Variants in SOX5 observed in about 807,000 individuals in gnomAD.
The protein encoded by SOX5 is SRY-box transcription factor 5, also known as transcription factor SOX-5.
In SOX5, 9 loss-of-function variants were observed where a neutral mutation model predicts 92.0. The ratio of observed to expected loss-of-function variants is 0.10; its 90% confidence interval spans 0.06 to 0.17. SOX5 has a LOEUF of 0.17. Ranked by LOEUF, SOX5 falls within the 10% of genes least tolerant of loss-of-function variation. The pLI, the probability that SOX5 is intolerant of heterozygous loss-of-function variation, is 1.00. For missense variants in SOX5, 642 were observed against 944.5 expected, an observed-to-expected ratio of 0.68 and a Z score of 4.20; for synonymous variants, 344 against 336.3, an observed-to-expected ratio of 1.02 and a Z score of -0.25.
At chr12:24,560,590 T>C (rs1954239944) in intron 1 of SOX5, among the ~76,000 whole-genome samples, 2 of 152,228 alleles carry the variant, frequency 1.3e-5, no homozygotes, top group Admixed American at 1.3e-4. Flanking sequence ...TGTATCTGCA[T>C]TTGAAACCAG....
intron 3 of SOX5, among the ~76,000 whole-genome samples, chr12:24,255,252 G>A (rs1052781498): frequency 5.3e-5 from 8 of 152,076 alleles, no homozygotes; most frequent in African/African-American, 1.9e-4. Context: ...GTAAGCTTTT[G>A]TTGTCTCCCA....
intron 2 of SOX5, among the ~76,000 whole-genome samples, chr12:24,327,627 A>G (rs1244075951): frequency 2.0e-5 from 3 of 151,256 alleles, no homozygotes; most frequent in South Asian, 4.2e-4. Context: ...TCTGTCCCCC[A>G]GGCTGGAGTG....
rs746379846 is a variant in SOX5 at position 24,212,519 on chromosome 12, A to G, written c.-2+824T>C. On this transcript the variant is annotated intron_variant, in intron 4 of 4. Transcript: ENST00000446891. ...CGGGAGGGGTTACAAGGAAGGAAGGATTACAAGGAAGGAGGGGACCACCAA... is the reference window on the plus strand; with the variant it reads ...CGGGAGGGGTTACAAGGAAGGAAGGGTTACAAGGAAGGAGGGGACCACCAA... 5.7e-6 allele frequency: 3 copies of G among 528,160 alleles called. No individual in the cohort carries two copies. The East Asian group carries it at 1.6e-4, about 29-fold the overall frequency. The allele number at this position is 528,160 out of a possible 1,614,324, so 32.7% of individuals were successfully genotyped here.
intron 4 of SOX5, among the ~76,000 whole-genome samples, chr12:23,988,034 G>A (rs777134839): frequency 6.6e-6 from 1 of 152,100 alleles, no homozygotes; most frequent in African/African-American, 2.4e-5. Context: ...TAGAAATAAA[G>A]AAAACTTAGC....
intron 4 of SOX5, among the ~76,000 whole-genome samples, chr12:24,117,355 T>C (rs752109605): frequency 1.3e-4 from 20 of 152,170 alleles, no homozygotes; most frequent in Non-Finnish European, 2.6e-4. Flanking sequence ...TTGTACACTG[T>C]TGGTGGGAAT....
rs1413005064 is a variant in SOX5, at chr12:23,770,091, C to T, written c.482-14367G>A. Among the ~76,000 whole-genome samples the T allele has an allele frequency of 3.0e-5, 3 of 100,522 alleles. No individual in the cohort carries two copies. The East Asian group carries it at 1.0e-3, about 34-fold the overall frequency. 65.9% of individuals were successfully genotyped at this position (100,522 alleles called of 152,430 possible). A position where few individuals can be genotyped will look rare whatever the true frequency, so the allele number is the denominator to read the frequency against. On this transcript the variant is annotated intron_variant, in intron 3 of 14. Transcript: ENST00000451604. ...TGCCTCACAATAACCAGTCACTTTT[C>T]AATGATTAATTTTCTATCAAAGAAC...
chr12:23,680,325 C>CAA (rs57754255), intron 6 of SOX5, among the ~76,000 whole-genome samples: 678 of 47,344 alleles, frequency 0.014, 6 homozygotes, highest in African/African-American at 0.021. Flanking sequence ...GACCTTGTCT[C>CAA]AAAAAAAAAA....
At chr12:24,490,381 T>C (rs904058162) in intron 1 of SOX5, among the ~76,000 whole-genome samples, 9 of 152,296 alleles carry the variant, frequency 5.9e-5, no homozygotes, top group African/African-American at 1.4e-4. Context: ...AAAAAGGAAA[T>C]AGATTGCTTT....
At chr12:23,896,771 T>C (rs1039640067) in intron 1 of SOX5, among the ~76,000 whole-genome samples, 43 of 150,600 alleles carry the variant, frequency 2.9e-4, no homozygotes, top group African/African-American at 1.0e-3. Context: ...TTTTCACAAC[T>C]CTATGAATGA....
At chr12:23,963,274 T>A (rs547203138) in intron 4 of SOX5, among the ~76,000 whole-genome samples, 1 of 152,280 alleles carries the variant, frequency 6.6e-6, no homozygotes, top group South Asian at 2.1e-4. Flanking sequence ...CACAGGAGAA[T>A]ATAGGAAATG....
chr12:24,012,144 T>C (rs1953019859), intron 4 of SOX5, among the ~76,000 whole-genome samples: 1 of 151,570 alleles, frequency 6.6e-6, no homozygotes, highest in South Asian at 2.1e-4. Context: ...AAAACAGAAA[T>C]GGTAAATGTC....
intron 3 of SOX5, among the ~76,000 whole-genome samples, chr12:23,816,552 C>G (rs1263070194): frequency 6.6e-6 from 1 of 151,980 alleles, no homozygotes; most frequent in Non-Finnish European, 1.5e-5. Context: ...GCAGAAAATT[C>G]CTGGTAGAGG....
At chr12:24,205,834 G>A (rs540875914) in intron 4 of SOX5, among the ~76,000 whole-genome samples, 306 of 152,258 alleles carry the variant, frequency 2.0e-3, no homozygotes, top group African/African-American at 6.7e-3. Context: ...TGTGGTTTAC[G>A]TACAAGCATC....
chr12:23,590,274 G>C (rs577677835), intron 9 of SOX5, among the ~76,000 whole-genome samples: 1 of 152,010 alleles, frequency 6.6e-6, no homozygotes, highest in South Asian at 2.1e-4. Flanking sequence ...AGGTAGGTGG[G>C]GCTAGATTGC....
chr12:23,796,905 A>ATT (rs1158214858), intron 3 of SOX5, among the ~76,000 whole-genome samples: 3 of 113,786 alleles, frequency 2.6e-5, no homozygotes, highest in South Asian at 7.1e-4. Flanking sequence ...TTATATATAT[A>ATT]TTTATATATA....
chr12:23,918,958 A>G (rs908772809), intron 1 of SOX5, among the ~76,000 whole-genome samples: 1 of 152,022 alleles, frequency 6.6e-6, no homozygotes, highest in Admixed American at 6.6e-5. Flanking sequence ...ATGGCCCCCA[A>G]TTCTTCCATT....
intron 2 of SOX5, among the ~76,000 whole-genome samples, chr12:24,284,439 T>TGA (rs1945592645): frequency 6.6e-6 from 1 of 151,244 alleles, no homozygotes; most frequent in African/African-American, 2.4e-5. Flanking sequence ...TCTTTGTGTG[T>TGA]GTGTGTGTGT....
intron 1 of SOX5, among the ~76,000 whole-genome samples, chr12:24,404,455 C>T (rs1221854464): frequency 6.6e-6 from 1 of 152,170 alleles, no homozygotes; most frequent in Non-Finnish European, 1.5e-5. Flanking sequence ...ATAGATTGGA[C>T]CTCTCTACAG....
chr12:24,381,889 A>C (rs1957862977), intron 1 of SOX5, among the ~76,000 whole-genome samples: 1 of 152,232 alleles, frequency 6.6e-6, no homozygotes, highest in South Asian at 2.1e-4. Flanking sequence ...TTAACCCCAA[A>C]GCTTCCTACA....
Sources: allele counts gnomAD v4.1 joint callset (sites outside exome capture counted in the v4.1 genomes callset), GRCh38; gene constraint gnomAD v4.1.1; transcripts MANE v1.5; gene names NCBI Gene and HGNC (gene_info 2026-07-23, HGNC 2026-07-21).